Variants in MEIG1 observed in about 807,000 individuals in gnomAD.
MEIG1 encodes the protein meiosis/spermiogenesis associated 1.
In MEIG1, 12 loss-of-function variants were observed where a neutral mutation model predicts 11.3. The ratio of observed to expected loss-of-function variants is 1.07; its 90% CI spans 0.68 to 1.73. MEIG1 has a LOEUF of 1.73. Among genes scored for constraint, MEIG1 ranks in the 40% most tolerant of loss-of-function variants. The pLI, the probability that MEIG1 is intolerant of heterozygous loss-of-function variation, is 0.00. For synonymous variants in MEIG1, 41 were observed against 33.2 expected (o/e 1.24, Z -0.81); for missense variants, 119 against 104.9 (o/e 1.13, Z -0.59).
At chr10:14,970,617 C>T (rs1843137646) in intron 2 of MEIG1, 1 of 152,232 alleles carries the variant, frequency 6.6e-6, no homozygotes, top group South Asian at 2.1e-4. Flanking sequence ...TAATGTATGT[C>T]AGAAGGCCTG....
chr10:14,983,213 T>C (rs1843282890), intron 1 of MEIG1, among the ~76,000 whole-genome samples: 1 of 152,064 alleles, frequency 6.6e-6, no homozygotes, highest in African/African-American at 2.4e-5. Flanking sequence ...CGTATGAAGT[T>C]ACTCCCAAGA....
chr10:14,980,538 T>C (rs1407717317), intron 1 of MEIG1, among the ~76,000 whole-genome samples: 2 of 152,190 alleles, frequency 1.3e-5, no homozygotes, highest in Non-Finnish European at 2.9e-5. Flanking sequence ...TGTCAGGAGA[T>C]CTGAGCTTTT....
chr10:14,984,112 G>C lies in MEIG1; in HGVS notation n.67-2684G>C, dbSNP rs115802018. ...GTTGGTAATTTCCAGAGGCGGAAAA[G>C]ATATTATTGACAATACCGTCAACAC... On this transcript the variant is annotated intron_variant and non_coding_transcript_variant, in intron 1 of 2. Transcript: ENST00000467536. 3.1e-3 allele frequency among the ~76,000 whole-genome samples: 477 copies of C among 152,176 alleles called. 2 individuals are homozygous for C. The highest frequency in any genetic ancestry group is 0.011 in the African/African-American group (459 of 41,512).
intron 1 of MEIG1, among the ~76,000 whole-genome samples, chr10:14,983,086 A>C (rs948226072): frequency 6.6e-6 from 1 of 152,046 alleles, no homozygotes; most frequent in Non-Finnish European, 1.5e-5. Context: ...GTGTACACCC[A>C]CCTGTGATAT....
intron 1 of MEIG1, among the ~76,000 whole-genome samples, chr10:14,961,626 C>T (rs1277962661): frequency 1.3e-5 from 1 of 76,032 alleles, no homozygotes; most frequent in Non-Finnish European, 3.3e-5. Context: ...CAGCCGCCAC[C>T]GCATCCGGCT....
chr10:14,968,702 T>A (rs1843116205), intron 2 of MEIG1, among the ~76,000 whole-genome samples: 1 of 152,142 alleles, frequency 6.6e-6, no homozygotes, highest in Non-Finnish European at 1.5e-5. Flanking sequence ...TCTATCCCCA[T>A]TGCCAAGGAT....
chr10:14,979,916 G>A (rs1435005839), intron 1 of MEIG1, among the ~76,000 whole-genome samples: 1 of 152,006 alleles, frequency 6.6e-6, no homozygotes, highest in African/African-American at 2.4e-5. Context: ...TGTCAGAGGA[G>A]TTTAACATCC....
Position 14,972,739 on chromosome 10 carries a change from GT to G in MEIG1, c.*99del. ...ATTTGATGAAATAATTCAAGATGCA[GT>G]CTGCAGTTTAATGTTTTGTGAAACA... On this transcript the variant is annotated 3_prime_UTR_variant, in exon 3 of 3. Coordinates refer to ENST00000407572, the MANE Select transcript of MEIG1 (RefSeq NM_001080836.3). 1 of 1,172,974 alleles carries G rather than the reference GT, an allele frequency of 8.5e-7. No homozygotes were observed. The highest frequency in any genetic ancestry group is 1.6e-5 in the South Asian group (1 of 61,592). 72.7% of individuals were successfully genotyped at this position (1,172,974 alleles called of 1,614,324 possible).
At chr10:14,968,535 A>G (rs1843113921) in intron 2 of MEIG1, among the ~76,000 whole-genome samples, 1 of 152,074 alleles carries the variant, frequency 6.6e-6, no homozygotes. Context: ...AGTACATAGG[A>G]AAAATAATGG....
chr10:14,963,484 G>C (rs1006626427), intron 1 of MEIG1, among the ~76,000 whole-genome samples: 12 of 152,082 alleles, frequency 7.9e-5, no homozygotes, highest in African/African-American at 2.2e-4. Context: ...TATATGAATG[G>C]ATTCTTAGGC....
chr10:14,973,147 T>C (rs1018614016), downstream of MEIG1, among the ~76,000 whole-genome samples: 2 of 152,176 alleles, frequency 1.3e-5, no homozygotes, highest in African/African-American at 4.8e-5. Flanking sequence ...ATTTCAGGTG[T>C]GAGCCACCAC....
At chr10:14,979,978 C>T (rs879727961) in intron 1 of MEIG1, among the ~76,000 whole-genome samples, 10 of 151,818 alleles carry the variant, frequency 6.6e-5, no homozygotes, top group Non-Finnish European at 1.5e-4. Flanking sequence ...AAGTCGCAGG[C>T]TGTGTACACC....
At chr10:14,985,597 T>C (rs1334653966) in intron 1 of MEIG1, among the ~76,000 whole-genome samples, 5 of 152,038 alleles carry the variant, frequency 3.3e-5, no homozygotes, top group Admixed American at 2.6e-4. Context: ...GGTGAGGCGG[T>C]GTACATCGTG....
intron 2 of MEIG1, chr10:14,970,512 T>C (rs1003967944): frequency 6.6e-6 from 1 of 152,154 alleles, no homozygotes; most frequent in African/African-American, 2.4e-5. Context: ...AGGGCTGTAA[T>C]GGAGTCTTGA....
At chr10:14,965,290 T>C (rs1016819709) in intron 1 of MEIG1, among the ~76,000 whole-genome samples, 1 of 152,246 alleles carries the variant, frequency 6.6e-6, no homozygotes, top group African/African-American at 2.4e-5. Flanking sequence ...GTTAAATGAC[T>C]GATATATTTT....
At chr10:14,958,929 A>T (rs1040931188), upstream of MEIG1, among the ~76,000 whole-genome samples, 1 of 152,102 alleles carries the variant, frequency 6.6e-6, no homozygotes, top group African/African-American at 2.4e-5. Context: ...AAAAAACCGT[A>T]TATCTTGAAT....
chr10:14,979,148 C>T (rs1272481874), intron 1 of MEIG1, among the ~76,000 whole-genome samples: 2 of 151,338 alleles, frequency 1.3e-5, no homozygotes, highest in African/African-American at 4.9e-5. Context: ...TGATATTATT[C>T]GGAATATCTC....
upstream of MEIG1, among the ~76,000 whole-genome samples, chr10:14,959,249 C>G (rs765342464): frequency 3.3e-5 from 5 of 152,232 alleles, no homozygotes; most frequent in Non-Finnish European, 5.9e-5. Flanking sequence ...CTACCTGGGA[C>G]CTACATTGGC....
chr10:14,962,132 T>G (rs1564503026), intron 1 of MEIG1, among the ~76,000 whole-genome samples: 1 of 152,172 alleles, frequency 6.6e-6, no homozygotes, highest in Non-Finnish European at 1.5e-5. Flanking sequence ...AATTCTTTTT[T>G]TGGCACAACT....
Sources: allele counts gnomAD v4.1 joint callset (sites outside exome capture counted in the v4.1 genomes callset), GRCh38; gene constraint gnomAD v4.1.1; transcripts MANE v1.5; gene names NCBI Gene and HGNC (gene_info 2026-07-23, HGNC 2026-07-21).